TANC2: variants seen among roughly 807,000 people sequenced by gnomAD.
TANC2 encodes the protein tetratricopeptide repeat, ankyrin repeat and coiled-coil containing 2.
Under a neutral mutation model 210.5 loss-of-function variants are expected in TANC2, and 26 were observed. The ratio of observed to expected loss-of-function variants is 0.12; its 90% CI spans 0.09 to 0.17. The LOEUF is 0.17. Ranked by LOEUF, TANC2 falls within the 10% of genes least tolerant of loss-of-function variation. The pLI is 1.00. For missense variants in TANC2, 2,129 were observed against 2,608.9 expected (o/e 0.82, Z 4.01); for synonymous variants, 931 against 967.1 (o/e 0.96, Z 0.69).
chr17:63,143,351 C>T (rs2039353045), intron 4 of TANC2, among the ~76,000 whole-genome samples: 2 of 151,826 alleles, frequency 1.3e-5, no homozygotes, highest in Admixed American at 1.3e-4. Context: ...GAGAGTGGGG[C>T]CTTTGTTATG....
chr17:63,073,512 C>T (rs961453420), intron 2 of TANC2, among the ~76,000 whole-genome samples: 7 of 152,058 alleles, frequency 4.6e-5, no homozygotes, highest in African/African-American at 7.2e-5. Context: ...ATAAAACATA[C>T]GAATGTAATT....
intron 8 of TANC2, among the ~76,000 whole-genome samples, chr17:63,248,282 T>C (rs1182596075): frequency 2.6e-5 from 4 of 152,004 alleles, no homozygotes; most frequent in Non-Finnish European, 1.5e-5. Context: ...ACAGGAATAA[T>C]TGAGGATTTC....
intron 14 of TANC2, among the ~76,000 whole-genome samples, chr17:63,371,026 A>G (rs181291265): frequency 4.6e-5 from 7 of 152,284 alleles, no homozygotes; most frequent in Admixed American, 2.6e-4. Flanking sequence ...TAAATAACCC[A>G]CATTAGCCTC....
chr17:63,235,203 T>A (rs1172541942), intron 7 of TANC2, among the ~76,000 whole-genome samples: 1 of 152,108 alleles, frequency 6.6e-6, no homozygotes, highest in Admixed American at 6.6e-5. Context: ...TTTTCCAGAT[T>A]TGCTACCACA....
chr17:63,366,258 G>A (rs2047107377), intron 14 of TANC2, among the ~76,000 whole-genome samples: 1 of 152,202 alleles, frequency 6.6e-6, no homozygotes, highest in African/African-American at 2.4e-5. Flanking sequence ...TATTTATTAA[G>A]TAATATATTT....
chr17:63,338,690 G>A (rs1029703215), intron 11 of TANC2, among the ~76,000 whole-genome samples: 1 of 152,194 alleles, frequency 6.6e-6, no homozygotes, highest in Non-Finnish European at 1.5e-5. Flanking sequence ...CTGAAGAAAA[G>A]TGGAGATTTT....
chr17:63,009,890 A>C (rs1018652358), intron 2 of TANC2, among the ~76,000 whole-genome samples: 1 of 152,208 alleles, frequency 6.6e-6, no homozygotes, highest in Non-Finnish European at 1.5e-5. Flanking sequence ...GCATTTGCTT[A>C]TTAAAAACCT....
At chr17:63,348,251 C>T (rs994848246) in intron 12 of TANC2, among the ~76,000 whole-genome samples, 2 of 152,210 alleles carry the variant, frequency 1.3e-5, no homozygotes, top group South Asian at 4.1e-4. Flanking sequence ...ACTATCTCTT[C>T]TCTTGCAGTC....
chr17:63,162,100 T>C (rs1450398547), intron 5 of TANC2, among the ~76,000 whole-genome samples: 5 of 151,644 alleles, frequency 3.3e-5, no homozygotes, highest in South Asian at 4.2e-4. Context: ...AGGCCGGGAG[T>C]TGGAGACCAG....
intron 4 of TANC2, among the ~76,000 whole-genome samples, chr17:63,124,013 T>A (rs576850022): frequency 6.6e-6 from 1 of 152,110 alleles, no homozygotes; most frequent in African/African-American, 2.4e-5. Context: ...AAGGTCTCTT[T>A]AGGATGCGAA....
At chr17:63,160,460 A>G (rs763074667) in intron 5 of TANC2, among the ~76,000 whole-genome samples, 49 of 152,334 alleles carry the variant, frequency 3.2e-4, no homozygotes, top group Non-Finnish European at 6.3e-4. Flanking sequence ...ATTACGTTGT[A>G]TGTGTTTTTA....
chr17:63,284,916 G>C (rs1486767459), intron 9 of TANC2, among the ~76,000 whole-genome samples: 1 of 152,026 alleles, frequency 6.6e-6, no homozygotes, highest in Non-Finnish European at 1.5e-5. Flanking sequence ...TTTGTTATTA[G>C]AGCGTGTATT....
At chr17:63,229,372 G>A (rs2042410228) in intron 7 of TANC2, among the ~76,000 whole-genome samples, 1 of 152,092 alleles carries the variant, frequency 6.6e-6, no homozygotes, top group South Asian at 2.1e-4. Flanking sequence ...AGGGATATTG[G>A]GCTGAAGTTT....
chr17:63,191,240 G>C (rs1254031041), intron 5 of TANC2, among the ~76,000 whole-genome samples: 1 of 151,672 alleles, frequency 6.6e-6, no homozygotes, highest in Non-Finnish European at 1.5e-5. Flanking sequence ...ATGGTTTGGA[G>C]GGGAGGACCT....
At chr17:63,194,811 G>A (rs1412480005) in intron 6 of TANC2, among the ~76,000 whole-genome samples, 1 of 151,666 alleles carries the variant, frequency 6.6e-6, no homozygotes, top group Non-Finnish European at 1.5e-5. Context: ...GTCTCAGAAA[G>A]TTAAAAAAAT....
intron 9 of TANC2, among the ~76,000 whole-genome samples, chr17:63,287,708 C>G (rs1443282971): frequency 6.7e-6 from 1 of 148,544 alleles, no homozygotes; most frequent in Non-Finnish European, 1.5e-5. Flanking sequence ...TTTGAGGAGT[C>G]TCTGTCACCC....
intron 4 of TANC2, among the ~76,000 whole-genome samples, chr17:63,111,926 A>T (rs191272386): frequency 6.6e-6 from 1 of 152,042 alleles, no homozygotes; most frequent in African/African-American, 2.4e-5. Context: ...GGGTTTCACC[A>T]TGTTGGCCAG....
intron 9 of TANC2, among the ~76,000 whole-genome samples, chr17:63,284,669 T>C (rs1167324620): frequency 1.3e-5 from 2 of 152,070 alleles, no homozygotes; most frequent in Non-Finnish European, 2.9e-5. Flanking sequence ...GCCCAAAATA[T>C]AGTCTGTCTT....
intron 9 of TANC2, among the ~76,000 whole-genome samples, chr17:63,286,721 A>G (rs73994419): frequency 0.012 from 1,770 of 152,294 alleles, 34 homozygotes; most frequent in African/African-American, 0.04. Context: ...AGAGACTGCA[A>G]TTACAACTAT....
Sources: gnomAD v4.1 joint callset for allele counts (sites outside exome capture counted in the v4.1 genomes callset) on GRCh38, gnomAD v4.1.1 for gene constraint, MANE v1.5 for transcripts, NCBI Gene and HGNC (gene_info 2026-07-23, HGNC 2026-07-21) for gene names.